The following RBBP4 variants were observed in gnomAD, a reference collection of about 807,000 sequenced individuals.
RBBP4 encodes histone-binding protein RBBP4.
Under a neutral mutation model 57.2 loss-of-function variants are expected in RBBP4, and 3 were observed. That is an observed-to-expected ratio of 0.05 (90% CI 0.02 to 0.14). The LOEUF (loss-of-function observed/expected upper bound fraction) is 0.14. Among genes scored for constraint, RBBP4 ranks in the 10% least tolerant of loss-of-function variants. RBBP4 has a pLI of 1.00. For missense variants in RBBP4, 107 were observed against 520.6 expected (o/e 0.21, Z 7.73); for synonymous variants, 151 against 171.5 (o/e 0.88, Z 0.93).
chr1:32,654,567 C>T (rs1403801398), intron 2 of RBBP4, among the ~76,000 whole-genome samples: 1 of 152,196 alleles, frequency 6.6e-6, no homozygotes, highest in African/African-American at 2.4e-5. Context: ...AATAGAATGA[C>T]TAGCTAGGTT....
chr1:32,660,368 C>A (rs1449336862), intron 3 of RBBP4, among the ~76,000 whole-genome samples: 1 of 152,114 alleles, frequency 6.6e-6, no homozygotes. Context: ...CTATGCCTCC[C>A]AAGTAGCTCT....
chr1:32,665,448 C>T (rs529055804), intron 3 of RBBP4, among the ~76,000 whole-genome samples: 250 of 152,154 alleles, frequency 1.6e-3, no homozygotes, highest in African/African-American at 5.7e-3. Flanking sequence ...GAGGCTGAAG[C>T]GGGTAGATTA....
intron 11 of RBBP4, among the ~76,000 whole-genome samples, chr1:32,678,908 A>G (rs2148534728): frequency 6.6e-6 from 1 of 152,266 alleles, no homozygotes; most frequent in Non-Finnish European, 1.5e-5. Context: ...TTTTTATGCC[A>G]AATAATATTC....
At chr1:32,672,968 A>G (rs1300630382) in intron 11 of RBBP4, 67 bp downstream of exon 11, 11 of 1,256,816 alleles carry the variant, frequency 8.8e-6, no homozygotes, top group Middle Eastern at 2.7e-4. Context: ...TTACATTTGT[A>G]TATTTTATGA....
At chr1:32,653,795 A>G (rs894481238) in intron 2 of RBBP4, among the ~76,000 whole-genome samples, 1 of 151,026 alleles carries the variant, frequency 6.6e-6, no homozygotes, top group Non-Finnish European at 1.5e-5. Flanking sequence ...AGTAGCTGGG[A>G]CTACAGGTGC....
intron 11 of RBBP4, among the ~76,000 whole-genome samples, chr1:32,676,612 C>CAAAAAA (rs1229475952): frequency 1.7e-5 from 1 of 57,926 alleles, no homozygotes; most frequent in African/African-American, 4.2e-5. Flanking sequence ...AACTCCATCT[C>CAAAAAA]AAAAAAAAAA....
At chr1:32,662,550 A>AT (rs796556846) in intron 3 of RBBP4, among the ~76,000 whole-genome samples, 11 of 150,944 alleles carry the variant, frequency 7.3e-5, no homozygotes, top group African/African-American at 2.7e-4. Context: ...CTAATTTTGT[A>AT]TTTTTTGTAG....
Position 32,680,560 on chromosome 1 carries a change from C to T in RBBP4, c.*855C>T. The stretch of plus-strand genomic sequence containing the variant: ...CTTGACCACTAGTTTGATGCCATCT[C>T]CATTTTGGGTGACCTGTTTCACCAG... On this transcript the variant is annotated 3_prime_UTR_variant, in exon 12 of 12. Transcript: ENST00000373493. 1.3e-6 allele frequency: 2 copies of T among 1,526,984 alleles called. No homozygotes were observed. Among genetic ancestry groups the T allele is most frequent in the Non-Finnish European group, 8.8e-7 (1 of 1,130,366 alleles). 94.6% of individuals were successfully genotyped at this position (1,526,984 alleles called of 1,614,324 possible).
At chr1:32,657,307 G>A in intron 2 of RBBP4, 120 bp from the exon 3 acceptor site, 1 of 941,596 alleles carries the variant, frequency 1.1e-6, no homozygotes, top group South Asian at 1.8e-5. Flanking sequence ...GACCCTTAAT[G>A]ACTTTTTCCC....
At chr1:32,661,317 T>TTTGAGATG (rs1648397845) in intron 3 of RBBP4, among the ~76,000 whole-genome samples, 1 of 149,548 alleles carries the variant, frequency 6.7e-6, no homozygotes, top group African/African-American at 2.5e-5. Flanking sequence ...TTTTTTTTTT[T>TTTGAGATG]GAGATGGAGT....
At position 32,681,809 on chromosome 1, in the gene RBBP4, G is replaced by GT; in HGVS notation, c.*2110dup. ...GTACTTAGTGATCCTTTGCTAAGAA[G>GT]TTTTTTGCTGTTTCCGGGTTACAGA... is the stretch of plus-strand genomic sequence containing the variant. On this transcript the variant is annotated 3_prime_UTR_variant, in exon 12 of 12. Transcript: ENST00000373493. 1.2e-6 allele frequency: 2 copies of GT among 1,614,118 alleles called. No individual in the cohort carries two copies. The highest frequency in any genetic ancestry group is 1.7e-6 in the Non-Finnish European group (2 of 1,180,014).
intron 2 of RBBP4, among the ~76,000 whole-genome samples, chr1:32,656,464 T>C (rs1258872393): frequency 6.6e-6 from 1 of 152,180 alleles, no homozygotes; most frequent in Non-Finnish European, 1.5e-5. Context: ...GCAGTTCTCC[T>C]GTCGCAGCCT....
chr1:32,668,022 A>C (rs372641325), intron 3 of RBBP4, among the ~76,000 whole-genome samples: 1 of 152,030 alleles, frequency 6.6e-6, no homozygotes, highest in Non-Finnish European at 1.5e-5. Context: ...TGGAGAGCTG[A>C]CTGTATTTCT....
intron 11 of RBBP4, among the ~76,000 whole-genome samples, chr1:32,675,793 A>T (rs1017122610): frequency 2.0e-5 from 3 of 152,010 alleles, no homozygotes; most frequent in South Asian, 2.1e-4. Flanking sequence ...AAATAAATTT[A>T]AAAAGTATGA....
chr1:32,662,998 A>G (rs373333597), intron 3 of RBBP4, among the ~76,000 whole-genome samples: 1 of 152,098 alleles, frequency 6.6e-6, no homozygotes, highest in East Asian at 1.9e-4. Flanking sequence ...AAAACATAAA[A>G]ATAAATAAAA....
intron 11 of RBBP4, among the ~76,000 whole-genome samples, chr1:32,674,667 A>G (rs1428782896): frequency 1.3e-5 from 2 of 151,838 alleles, no homozygotes; most frequent in East Asian, 3.9e-4. Flanking sequence ...TTGACTCATC[A>G]TGAGGAGAGG....
At position 32,651,928 on chromosome 1, in the gene RBBP4, G is replaced by A. The variant is rs1305138322; in HGVS notation, c.31G>A (p.Ala11Thr). The change falls in exon 2 of 12, where the codon GCA becomes ACA. Residue 11 changes from alanine to threonine, a missense_variant. Around this residue, in one of 3 missense-constraint regions of RBBP4, gnomAD observed 92 missense variants for 408.5 expected, o/e 0.23. Coordinates refer to ENST00000373493, the MANE Select transcript of RBBP4 (RefSeq NM_005610.3). The part of the protein sequence containing the change: MADKEAAFDD[A>T]VEERVINEEY... ...AAAAATTTTAGCAGCCTTCGACGAC[G>A]CAGTGGAAGAACGAGTGATCAACGA... is the stretch of plus-strand genomic sequence containing the variant. 6.2e-7 allele frequency: 1 copy of A among 1,613,818 alleles called. No individual in the cohort carries two copies. Among genetic ancestry groups the A allele is most frequent in the Non-Finnish European group, 8.5e-7 (1 of 1,179,796 alleles).
At chr1:32,672,419 G>A (rs772338071) in intron 8 of RBBP4, 31 bp from the exon 9 acceptor site, 1 of 1,475,792 alleles carries the variant, frequency 6.8e-7, no homozygotes, top group Non-Finnish European at 9.2e-7. Context: ...CTAATTCATG[G>A]CTTTGCTCTT....
Position 32,684,852 on chromosome 1 carries a change from T to G in RBBP4, c.*5147T>G, listed in dbSNP as rs1649710761. ...AATTCTAGGAGAGTTACACAACTAG[T>G]GGAAGTCCATGTTTAGAAAATAAAT... is the stretch of plus-strand genomic sequence containing the variant. On this transcript the variant is annotated 3_prime_UTR_variant, in exon 12 of 12. Coordinates refer to ENST00000373493, the MANE Select transcript of RBBP4 (RefSeq NM_005610.3). 6.5e-6 allele frequency: 1 copy of G among 154,124 alleles called. No individual in the cohort carries two copies. Among genetic ancestry groups the G allele is most frequent in the Admixed American group, 6.4e-5 (1 of 15,612 alleles). 9.5% of individuals were successfully genotyped at this position (154,124 alleles called of 1,614,324 possible).
Sources: allele counts gnomAD v4.1 joint callset (sites outside exome capture counted in the v4.1 genomes callset), GRCh38; gene constraint gnomAD v4.1.1; regional missense constraint gnomAD v4.1.1; transcripts MANE v1.5; gene names NCBI Gene and HGNC (gene_info 2026-07-23, HGNC 2026-07-21).